The following FBXO22 variants were observed in gnomAD, a reference collection of about 807,000 sequenced individuals.
FBXO22 encodes the protein F-box only protein 22.
A neutral mutation model predicts 37.2 loss-of-function variants in FBXO22; 13 were observed. The ratio of observed to expected loss-of-function variants is 0.35; its 90% CI spans 0.23 to 0.56. The LOEUF is 0.56. Ranked by LOEUF, FBXO22 falls within the 20% of genes least tolerant of loss-of-function variation. The pLI, the probability that FBXO22 is intolerant of heterozygous loss-of-function variation, is 0.87. For synonymous variants in FBXO22, 189 were observed against 189.1 expected (o/e 1.00, Z 0.00); for missense variants, 446 against 509.9 (o/e 0.87, Z 1.21).
intron 3 of FBXO22, among the ~76,000 whole-genome samples, chr15:75,913,575 G>C (rs1900117705): frequency 6.6e-6 from 1 of 152,154 alleles, no homozygotes; most frequent in African/African-American, 2.4e-5. Context: ...AAAACAGGTT[G>C]TATGACTTGG....
At chr15:75,928,924 T>G (rs2029904216) in intron 5 of FBXO22, among the ~76,000 whole-genome samples, 1 of 152,174 alleles carries the variant, frequency 6.6e-6, no homozygotes, top group Non-Finnish European at 1.5e-5. Flanking sequence ...TAATTCGCCT[T>G]TACTCTCACC....
Position 75,934,872 on chromosome 15 carries a change from C to T in FBXO22, c.*1770C>T, listed in dbSNP as rs1220370037. 1 of 152,010 alleles carries T rather than the reference C, an allele frequency of 6.6e-6. No homozygotes were observed. The highest frequency in any genetic ancestry group is 2.4e-5 in the African/African-American group (1 of 41,362). 9.4% of individuals were successfully genotyped at this position (152,010 alleles called of 1,614,324 possible). On this transcript the variant is annotated 3_prime_UTR_variant, in exon 7 of 7. Coordinates refer to ENST00000308275, the MANE Select transcript of FBXO22 (RefSeq NM_147188.3). ...AAACTGAAAATATGAACAAAATGAG[C>T]CTTAGAATTGAATGGATTATTTTAA...
At chr15:75,921,158 G>A (rs1900314726) in intron 5 of FBXO22, among the ~76,000 whole-genome samples, 1 of 152,114 alleles carries the variant, frequency 6.6e-6, no homozygotes, top group Admixed American at 6.5e-5. Context: ...TGGTGTATCT[G>A]AACATATCTA....
At chr15:75,925,740 AC>A (rs1362698461) in intron 5 of FBXO22, among the ~76,000 whole-genome samples, 1 of 151,036 alleles carries the variant, frequency 6.6e-6, no homozygotes, top group Admixed American at 6.6e-5. Context: ...TATTTGGGAG[AC>A]CACTGTGATG....
At chr15:75,916,473 G>A (rs1368350286) in intron 4 of FBXO22, among the ~76,000 whole-genome samples, 2 of 152,096 alleles carry the variant, frequency 1.3e-5, no homozygotes, top group Non-Finnish European at 2.9e-5. Flanking sequence ...CTCTTCTCAG[G>A]ACACTAGTCC....
At chr15:75,904,380 T>C in intron 1 of FBXO22, 111 bp from the exon 2 acceptor site, 4 of 1,519,538 alleles carry the variant, frequency 2.6e-6, no homozygotes, top group Non-Finnish European at 3.6e-6. Flanking sequence ...CCGGGGACTT[T>C]GGATCCCGCA....
chr15:75,913,079 G>T, intron 2 of FBXO22, 124 bp from the exon 3 acceptor site: 1 of 569,948 alleles, frequency 1.8e-6, no homozygotes, highest in African/African-American at 1.9e-5. Flanking sequence ...GTGGTTTTGA[G>T]TGAGTTTCTT....
chr15:75,928,347 C>A (rs1381609374), intron 5 of FBXO22, among the ~76,000 whole-genome samples: 1 of 152,074 alleles, frequency 6.6e-6, no homozygotes, highest in Non-Finnish European at 1.5e-5. Context: ...ATGGAATCAA[C>A]CTGAATGCCC....
intron 4 of FBXO22, among the ~76,000 whole-genome samples, chr15:75,916,464 T>C (rs557573184): frequency 6.6e-5 from 10 of 152,214 alleles, no homozygotes; most frequent in Non-Finnish European, 1.0e-4. Flanking sequence ...CTCTTCCTCC[T>C]CTTCTCAGGA....
rs1900170495 is a variant in FBXO22 at position 75,915,879 on chromosome 15, G to A, written c.464-1351G>A. 2.0e-5 allele frequency among the ~76,000 whole-genome samples: 3 copies of A among 149,358 alleles called. No individual in the cohort carries two copies. In the South Asian group the frequency reaches 6.4e-4, roughly 32 times the overall value. On this transcript the variant is annotated intron_variant, in intron 4 of 6. Coordinates refer to ENST00000308275, the MANE Select transcript of FBXO22 (RefSeq NM_147188.3). ...CACGCCATTGCACTCCATCCTGGAT[G>A]ATAGAGCAAGACTCTGTCTCAAAAA...
rs915185057 is a variant in FBXO22 at position 75,940,170 on chromosome 15, A to G, written c.*7068A>G. On this transcript the variant is annotated 3_prime_UTR_variant, in exon 7 of 7. Coordinates refer to ENST00000308275, the MANE Select transcript of FBXO22 (RefSeq NM_147188.3). ...TAGCAGGATACAAAGTCAACCCACA[A>G]AAGTCAGTTGCATTCCTATACACTA... 1.7e-4 allele frequency: 26 copies of G among 152,102 alleles called. No homozygotes were observed. The highest frequency in any genetic ancestry group is 5.8e-4 in the African/African-American group (24 of 41,438). The allele number at this position is 152,102 out of a possible 1,614,324, so 9.4% of individuals were successfully genotyped here. A position where few individuals can be genotyped will look rare whatever the true frequency, so the allele number is the denominator to read the frequency against.
In FBXO22 at chr15:75,936,313, A is replaced by G. The variant is rs1296196187; in HGVS notation, c.*3211A>G. ...TATGAGTTGGCTTAATGAAAATCCT[A>G]AAATAATAAAATAAGCATTAGTAAT... On this transcript the variant is annotated 3_prime_UTR_variant, in exon 7 of 7. Coordinates refer to ENST00000308275, the MANE Select transcript of FBXO22 (RefSeq NM_147188.3). 2.0e-5 allele frequency: 3 copies of G among 152,210 alleles called. No individual in the cohort carries two copies. Among genetic ancestry groups the G allele is most frequent in the East Asian group, 3.8e-4 (2 of 5,202 alleles). 9.4% of individuals were successfully genotyped at this position (152,210 alleles called of 1,614,324 possible).
intron 2 of FBXO22, chr15:75,905,787 A>C (rs1899917267): frequency 6.6e-6 from 1 of 152,244 alleles, no homozygotes. Context: ...TGTCTTTGGC[A>C]GGAAATAATC....
Position 75,934,520 on chromosome 15 carries a change from C to T in FBXO22, c.*1418C>T, listed in dbSNP as rs1401210693. ...TGTATTAGCATTATTCCTGCTTTTCCTTTTTTGTCACTTTTATCCTTTTTT... is the reference window on the plus strand; with the variant it reads ...TGTATTAGCATTATTCCTGCTTTTCTTTTTTTGTCACTTTTATCCTTTTTT... On this transcript the variant is annotated 3_prime_UTR_variant, in exon 7 of 7. Transcript: ENST00000308275. 1 of 152,070 alleles carries T rather than the reference C, an allele frequency of 6.6e-6. No homozygotes were observed. Among genetic ancestry groups the T allele is most frequent in the Admixed American group, 6.5e-5 (1 of 15,274 alleles). The allele number at this position is 152,070 out of a possible 1,614,324, so 9.4% of individuals were successfully genotyped here. A position where few individuals can be genotyped will look rare whatever the true frequency, so the allele number is the denominator to read the frequency against.
At chr15:75,912,108 C>T (rs1426506379) in intron 2 of FBXO22, among the ~76,000 whole-genome samples, 1 of 151,794 alleles carries the variant, frequency 6.6e-6, no homozygotes, top group Non-Finnish European at 1.5e-5. Flanking sequence ...AGCCTTGCAT[C>T]CCAGGGGTGA....
chr15:75,903,900 C>A lies in FBXO22; in HGVS notation c.-64C>A. The A allele has an allele frequency of 2.1e-6, 3 of 1,429,898 alleles. No individual in the cohort carries two copies. The South Asian group carries it at 4.4e-5, about 21-fold the overall frequency. 88.6% of individuals were successfully genotyped at this position (1,429,898 alleles called of 1,614,324 possible). Reference sequence around the variant, plus strand: ...CTCAGTGCGCGCCGGCCGGGCAACCCTATGCTGGCGTAATCGGGTTCCTCC... The same window carrying A: ...CTCAGTGCGCGCCGGCCGGGCAACCATATGCTGGCGTAATCGGGTTCCTCC... On this transcript the variant is annotated 5_prime_UTR_variant, in exon 1 of 7. Transcript: ENST00000308275.
chr15:75,924,214 T>G (rs372421282), intron 5 of FBXO22, among the ~76,000 whole-genome samples: 1 of 151,982 alleles, frequency 6.6e-6, no homozygotes, highest in East Asian at 1.9e-4. Context: ...CTGGCTTCAG[T>G]GATTTGAGGA....
rs377482704 is a variant in FBXO22 at position 75,904,653 on chromosome 15, A to T, written c.279+24A>T. On this transcript the variant is annotated intron_variant, in intron 2 of 6. Transcript: ENST00000308275. ...AGGCAAGTAGCAAGGGGTGTCATGC[A>T]CAGTCATTTGCAGGTTGGTGGTTCA... The T allele has an allele frequency of 1.3e-5, 21 of 1,572,522 alleles. No homozygotes were observed. The African/African-American group carries it at 2.5e-4, about 18-fold the overall frequency.
chr15:75,910,718 G>C (rs1900033643), intron 2 of FBXO22, among the ~76,000 whole-genome samples: 1 of 152,180 alleles, frequency 6.6e-6, no homozygotes, highest in African/African-American at 2.4e-5. Context: ...TAGGTTGCCT[G>C]TTCACTCTGA....
Sources: allele counts gnomAD v4.1 joint callset (sites outside exome capture counted in the v4.1 genomes callset), GRCh38; gene constraint gnomAD v4.1.1; transcripts MANE v1.5; gene names NCBI Gene and HGNC (gene_info 2026-07-23, HGNC 2026-07-21).